Variants in WWOX observed in about 807,000 individuals in gnomAD.
The protein encoded by WWOX is WW domain-containing oxidoreductase.
In WWOX, 69 loss-of-function variants were observed where a neutral mutation model predicts 46.2. That is an observed-to-expected ratio of 1.49 (90% CI 1.23 to 1.82). WWOX has a LOEUF of 1.82. Among genes scored for constraint, WWOX ranks in the 40% most tolerant of loss-of-function variants. The pLI, the probability that WWOX is intolerant of heterozygous loss-of-function variation, is 0.00. For synonymous variants in WWOX, 359 were observed against 202.6 expected (o/e 1.77, Z -6.56); for missense variants, 919 against 542.6 (o/e 1.69, Z -6.89).
At chr16:78,760,746 T>C (rs1463628801) in intron 8 of WWOX, among the ~76,000 whole-genome samples, 1 of 152,214 alleles carries the variant, frequency 6.6e-6, no homozygotes, top group East Asian at 1.9e-4. Context: ...ATACCTCTCA[T>C]GCCTGGAGAG....
At position 78,408,560 on chromosome 16, in the gene WWOX, T is replaced by C. The variant is rs148823752; in HGVS notation, c.606-16310T>C. Reference sequence around the variant, plus strand: ...TAGCTGAGCTAAGGAGCAGAAAGACTGTATCACAGGGAACTTGTGTAACAG... The same window carrying C: ...TAGCTGAGCTAAGGAGCAGAAAGACCGTATCACAGGGAACTTGTGTAACAG... On this transcript the variant is annotated intron_variant, in intron 6 of 8. Coordinates refer to ENST00000566780, the MANE Select transcript of WWOX (RefSeq NM_016373.4). Among the ~76,000 whole-genome samples, 1,407 of 152,324 alleles carry C rather than the reference T, an allele frequency of 9.2e-3. 11 individuals carry two copies. The highest frequency in any genetic ancestry group is 0.016 in the South Asian group (75 of 4,834).
chr16:79,045,047 G>T (rs1435905440), intron 8 of WWOX, among the ~76,000 whole-genome samples: 1 of 152,200 alleles, frequency 6.6e-6, no homozygotes, highest in African/African-American at 2.4e-5. Flanking sequence ...AAGTTCTCTG[G>T]AAAGATCAGC....
chr16:78,310,885 A>AG (rs2080228874), intron 5 of WWOX, among the ~76,000 whole-genome samples: 1 of 152,196 alleles, frequency 6.6e-6, no homozygotes, highest in South Asian at 2.1e-4. Flanking sequence ...CTTCGAGGGT[A>AG]GGGGCACCCT....
At chr16:78,519,768 T>A (rs1453941382) in intron 8 of WWOX, among the ~76,000 whole-genome samples, 2 of 152,102 alleles carry the variant, frequency 1.3e-5, no homozygotes, top group Non-Finnish European at 1.5e-5. Context: ...GCAGGTGCCA[T>A]CTATGAGCCA....
chr16:78,702,071 TATAA>T (rs2048233522), intron 8 of WWOX, among the ~76,000 whole-genome samples: 1 of 124,716 alleles, frequency 8.0e-6, no homozygotes, highest in South Asian at 2.6e-4. Context: ...TTTATATATA[TATAA>T]AGTTTTATAT....
intron 8 of WWOX, among the ~76,000 whole-genome samples, chr16:78,533,001 A>T (rs2043659678): frequency 6.6e-6 from 1 of 152,214 alleles, no homozygotes; most frequent in Admixed American, 6.5e-5. Flanking sequence ...CAGGTGAGTC[A>T]CAGGCTGATG....
At chr16:78,198,843 C>T in intron 5 of WWOX, among the ~76,000 whole-genome samples, 1 of 152,078 alleles carries the variant, frequency 6.6e-6, no homozygotes. Flanking sequence ...GGTATATATA[C>T]ATGTAAGTTT....
intron 1 of WWOX, among the ~76,000 whole-genome samples, chr16:78,101,530 C>G (rs1365148211): frequency 6.6e-6 from 1 of 151,830 alleles, no homozygotes; most frequent in Non-Finnish European, 1.5e-5. Context: ...GCTGTTGGCC[C>G]GGCTGGTCTC....
At chr16:78,124,853 A>G (rs768469789) in intron 4 of WWOX, among the ~76,000 whole-genome samples, 2 of 152,132 alleles carry the variant, frequency 1.3e-5, no homozygotes, top group African/African-American at 2.4e-5. Context: ...AGGTTTCTTC[A>G]CTAGACTCTA....
At chr16:79,171,254 T>G (rs1020063660) in intron 8 of WWOX, among the ~76,000 whole-genome samples, 3 of 152,176 alleles carry the variant, frequency 2.0e-5, no homozygotes, top group Admixed American at 1.3e-4. Context: ...GAGGAGGAAT[T>G]AACTCTATAA....
In WWOX at chr16:79,201,349, T is replaced by TTTC. The variant is rs1567613455; in HGVS notation, c.1057-10257_1057-10256insCTT. Among the ~76,000 whole-genome samples the TTTC allele has an allele frequency of 6.6e-3, 991 of 149,204 alleles. 13 individuals carry two copies. The highest frequency in any genetic ancestry group is 0.023 in the African/African-American group (940 of 40,858). On this transcript the variant is annotated intron_variant, in intron 8 of 8. Coordinates refer to ENST00000566780, the MANE Select transcript of WWOX (RefSeq NM_016373.4). ...AGGGTTTCCTTTTTCTTTTCTTTTT[T>TTTC]TTTTTTTTTTTTTAAATGGGAAACT...
chr16:79,160,429 C>A (rs1294098478), intron 8 of WWOX, among the ~76,000 whole-genome samples: 1 of 152,110 alleles, frequency 6.6e-6, no homozygotes, highest in African/African-American at 2.4e-5. Flanking sequence ...GATCCTTGAT[C>A]TCATCATCTG....
At chr16:78,505,562 G>A (rs2085176466) in intron 8 of WWOX, among the ~76,000 whole-genome samples, 1 of 152,122 alleles carries the variant, frequency 6.6e-6, no homozygotes, top group Non-Finnish European at 1.5e-5. Flanking sequence ...AGAAGTGCTG[G>A]GCTACAGCGC....
At chr16:78,468,282 T>A (rs2084130994) in intron 8 of WWOX, among the ~76,000 whole-genome samples, 4 of 149,488 alleles carry the variant, frequency 2.7e-5, no homozygotes, top group Middle Eastern at 3.4e-3. Flanking sequence ...TTTTTTTTTT[T>A]AAACTTCATG....
chr16:78,382,557 T>C (rs1019448683), intron 5 of WWOX, among the ~76,000 whole-genome samples: 3 of 152,200 alleles, frequency 2.0e-5, no homozygotes, highest in African/African-American at 7.2e-5. Flanking sequence ...TGAGCCATGC[T>C]AAGGAATTCA....
intron 5 of WWOX, among the ~76,000 whole-genome samples, chr16:78,229,515 G>GAGAT (rs1555506149): frequency 0.039 from 3,109 of 80,430 alleles, 184 homozygotes; most frequent in East Asian, 0.36. Context: ...TCTATATAGA[G>GAGAT]ATATATATAT....
chr16:78,288,963 A>G (rs914041090), intron 5 of WWOX, among the ~76,000 whole-genome samples: 1 of 152,174 alleles, frequency 6.6e-6, no homozygotes, highest in African/African-American at 2.4e-5. Flanking sequence ...GAGATTGTTG[A>G]GTGTTGCCAA....
intron 8 of WWOX, among the ~76,000 whole-genome samples, chr16:78,597,781 A>ATATAT (rs1567670156): frequency 7.5e-6 from 1 of 133,136 alleles, no homozygotes; most frequent in South Asian, 2.1e-4. Context: ...TATATATATA[A>ATATAT]AATATATTTC....
intron 7 of WWOX, among the ~76,000 whole-genome samples, chr16:78,425,932 T>A (rs2083066374): frequency 6.6e-6 from 1 of 152,128 alleles, no homozygotes; most frequent in African/African-American, 2.4e-5. Context: ...TGAAGCTTAT[T>A]TTTTTAATCA....
Sources: gnomAD v4.1 joint callset for allele counts (sites outside exome capture counted in the v4.1 genomes callset) on GRCh38, gnomAD v4.1.1 for gene constraint, MANE v1.5 for transcripts, NCBI Gene and HGNC (gene_info 2026-07-23, HGNC 2026-07-21) for gene names.